The following MALRD1 variants were observed in gnomAD, a reference collection of about 807,000 sequenced individuals.
MALRD1 encodes the protein MAM and LDL receptor class A domain containing 1.
Under a neutral mutation model 242.1 loss-of-function variants are expected in MALRD1, and 247 were observed. The observed-to-expected ratio is 1.02, with a 90% CI of 0.92 to 1.13. The LOEUF is 1.13. Ranked by LOEUF, MALRD1 falls within the 50% of genes most tolerant of loss-of-function variation. The pLI is 0.00. For synonymous variants in MALRD1, 995 were observed against 866.6 expected (o/e 1.15, Z -2.60); for missense variants, 2,989 against 2,533.1 (o/e 1.18, Z -3.86).
chr10:19,155,227 C>A, intron 12 of MALRD1, 55 bp downstream of exon 12: 1 of 1,006,600 alleles, frequency 9.9e-7, no homozygotes, highest in Non-Finnish European at 1.3e-6. Context: ...AATCGCTGAG[C>A]TTGGGTTACT....
At chr10:19,101,678 A>G (rs1034994437) in intron 4 of MALRD1, among the ~76,000 whole-genome samples, 1 of 135,372 alleles carries the variant, frequency 7.4e-6, no homozygotes, top group Non-Finnish European at 1.5e-5. Flanking sequence ...TGTATATAAG[A>G]TATAGGTATA....
chr10:19,717,592 A>G (rs1485459168), intron 38 of MALRD1, among the ~76,000 whole-genome samples: 1 of 152,186 alleles, frequency 6.6e-6, no homozygotes, highest in Admixed American at 6.5e-5. Flanking sequence ...CATGTGTTTT[A>G]TTATTAATGC....
chr10:19,518,539 G>T (rs1833738543), intron 31 of MALRD1, among the ~76,000 whole-genome samples: 1 of 152,004 alleles, frequency 6.6e-6, no homozygotes, highest in Non-Finnish European at 1.5e-5. Context: ...TTATGATAGT[G>T]TGATAACATC....
intron 38 of MALRD1, among the ~76,000 whole-genome samples, chr10:19,719,913 TTC>T (rs3071796): frequency 2.0e-5 from 3 of 151,760 alleles, no homozygotes; most frequent in African/African-American, 2.4e-5. Flanking sequence ...CTCTTATAAT[TTC>T]TCTCTCTCTC....
At chr10:19,680,057 A>G (rs1167577152) in intron 36 of MALRD1, among the ~76,000 whole-genome samples, 2 of 152,122 alleles carry the variant, frequency 1.3e-5, no homozygotes, top group African/African-American at 2.4e-5. Context: ...TTTACTTCCA[A>G]TTATGTGATC....
intron 31 of MALRD1, among the ~76,000 whole-genome samples, chr10:19,504,663 C>CTTTTTTTTTTTTTTTTTTTT (rs1564397363): frequency 2.3e-5 from 3 of 128,698 alleles, no homozygotes; most frequent in Non-Finnish European, 3.2e-5. Flanking sequence ...TATTGTAACA[C>CTTTTTTTTTTTTTTTTTTTT]ATTTTTTTTT....
intron 4 of MALRD1, among the ~76,000 whole-genome samples, chr10:19,099,763 AT>A (rs201815577): frequency 1.3e-5 from 2 of 149,238 alleles, no homozygotes; most frequent in African/African-American, 2.5e-5. Context: ...ATATATATAT[AT>A]TTTTTTTAAT....
intron 13 of MALRD1, among the ~76,000 whole-genome samples, chr10:19,174,545 T>C (rs11008778): frequency 6.6e-6 from 1 of 151,314 alleles, no homozygotes; most frequent in African/African-American, 2.4e-5. Flanking sequence ...CCCTCCTTTC[T>C]CTCTCTCTCT....
chr10:19,159,775 T>C (rs912694564), intron 12 of MALRD1, among the ~76,000 whole-genome samples: 1 of 152,126 alleles, frequency 6.6e-6, no homozygotes, highest in Non-Finnish European at 1.5e-5. Context: ...CGAGAGCCAA[T>C]GGAACTAAGA....
chr10:19,324,564 A>G (rs969514837), intron 22 of MALRD1, among the ~76,000 whole-genome samples: 10 of 151,780 alleles, frequency 6.6e-5, no homozygotes, highest in Non-Finnish European at 1.5e-4. Context: ...CGAACAGCAC[A>G]GACAACTCCA....
At chr10:19,121,924 A>C (rs903455142) in intron 5 of MALRD1, among the ~76,000 whole-genome samples, 29 of 152,346 alleles carry the variant, frequency 1.9e-4, no homozygotes, top group African/African-American at 6.7e-4. Flanking sequence ...AAAGCGGAAA[A>C]GGAAAGAATG....
chr10:19,204,532 A>T (rs1836703718), intron 16 of MALRD1, 119 bp downstream of exon 16: 3 of 659,462 alleles, frequency 4.5e-6, no homozygotes, highest in Admixed American at 3.5e-5. Context: ...TACTCTAAAA[A>T]TAGTATTGCA....
At chr10:19,589,833 A>G (rs960180689) in intron 33 of MALRD1, among the ~76,000 whole-genome samples, 2 of 152,124 alleles carry the variant, frequency 1.3e-5, no homozygotes, top group African/African-American at 4.8e-5. Context: ...GACACTATCA[A>G]CACAGAATGT....
At chr10:19,257,342 C>T (rs1462547135) in intron 18 of MALRD1, among the ~76,000 whole-genome samples, 1 of 152,064 alleles carries the variant, frequency 6.6e-6, no homozygotes, top group Non-Finnish European at 1.5e-5. Flanking sequence ...CCTTCAAATA[C>T]TTAAAGGACC....
chr10:19,348,033 G>T lies in MALRD1; in HGVS notation c.4149+15G>T. Reference sequence around the variant, plus strand: ...AAAACTGCAAGGTATGGGGAAAATCGAACCAACCAACCAAACAAACACAGA... The same window carrying T: ...AAAACTGCAAGGTATGGGGAAAATCTAACCAACCAACCAAACAAACACAGA... On this transcript the variant is annotated intron_variant, in intron 25 of 39. Coordinates refer to ENST00000454679, the MANE Select transcript of MALRD1 (RefSeq NM_001142308.3). 1 of 1,545,860 alleles carries T rather than the reference G, an allele frequency of 6.5e-7. No individual in the cohort carries two copies. Among genetic ancestry groups the T allele is most frequent in the South Asian group, 1.2e-5 (1 of 83,372 alleles).
intron 33 of MALRD1, among the ~76,000 whole-genome samples, chr10:19,586,386 A>T (rs1391731195): frequency 6.6e-6 from 1 of 152,002 alleles, no homozygotes; most frequent in Non-Finnish European, 1.5e-5. Context: ...GATGATGGTG[A>T]TGTACAGATG....
chr10:19,553,256 C>T (rs1589232427), intron 32 of MALRD1, among the ~76,000 whole-genome samples: 1 of 151,944 alleles, frequency 6.6e-6, no homozygotes, highest in Admixed American at 6.6e-5. Flanking sequence ...CACAAAATTT[C>T]CAATTTAAAA....
intron 5 of MALRD1, among the ~76,000 whole-genome samples, chr10:19,105,208 C>A (rs553597179): frequency 6.6e-6 from 1 of 152,120 alleles, no homozygotes; most frequent in Non-Finnish European, 1.5e-5. Context: ...CTATTCTACA[C>A]TGTACTTCTA....
chr10:19,711,595 G>A (rs1042040692), intron 38 of MALRD1, among the ~76,000 whole-genome samples: 1 of 152,166 alleles, frequency 6.6e-6, no homozygotes, highest in Non-Finnish European at 1.5e-5. Flanking sequence ...CAGAGGTGCT[G>A]TATCACTCCA....
Sources: allele counts gnomAD v4.1 joint callset (sites outside exome capture counted in the v4.1 genomes callset), GRCh38; gene constraint gnomAD v4.1.1; transcripts MANE v1.5; gene names NCBI Gene and HGNC (gene_info 2026-07-23, HGNC 2026-07-21).